FER: variants seen among roughly 807,000 people sequenced by gnomAD.
FER encodes the protein FER tyrosine kinase.
In FER, 63 loss-of-function variants were observed where a neutral mutation model predicts 111.0. The observed-to-expected ratio is 0.57, with a 90% CI of 0.46 to 0.70. The LOEUF is 0.70. Among genes scored for constraint, FER ranks in the 30% least tolerant of loss-of-function variants. The probability of loss-of-function intolerance (pLI) is 0.00; values close to 1 mark genes in which losing one functional copy is unlikely to be tolerated. For synonymous variants in FER, 327 were observed against 313.9 expected (o/e 1.04, Z -0.44); for missense variants, 914 against 954.0 (o/e 0.96, Z 0.55).
chr5:108,903,306 G>C (rs1007318515), intron 10 of FER, among the ~76,000 whole-genome samples: 1 of 152,158 alleles, frequency 6.6e-6, no homozygotes, highest in Non-Finnish European at 1.5e-5. Context: ...GCTTAATTGA[G>C]CAGCAGTATC....
chr5:109,019,697 T>C (rs1211256571), intron 13 of FER, among the ~76,000 whole-genome samples: 1 of 151,798 alleles, frequency 6.6e-6, no homozygotes, highest in Non-Finnish European at 1.5e-5. Context: ...TGTAATAACT[T>C]TATAAAGAGA....
At chr5:108,994,009 G>A (rs571899238) in intron 13 of FER, among the ~76,000 whole-genome samples, 1 of 151,898 alleles carries the variant, frequency 6.6e-6, no homozygotes, top group South Asian at 2.1e-4. Context: ...GTTCCTTGTA[G>A]GTTCTAGATA....
intron 10 of FER, among the ~76,000 whole-genome samples, chr5:108,916,178 C>T (rs1294957435): frequency 3.3e-5 from 5 of 151,938 alleles, no homozygotes; most frequent in Non-Finnish European, 5.9e-5. Flanking sequence ...ACCAATCTTA[C>T]CTAAAGGTGT....
chr5:108,918,566 A>G (rs1032897663), intron 10 of FER, among the ~76,000 whole-genome samples: 1 of 150,662 alleles, frequency 6.6e-6, no homozygotes, highest in Admixed American at 6.6e-5. Flanking sequence ...TGCTCACTGC[A>G]AGCTCCGCCT....
chr5:108,978,639 C>T (rs1581488816), intron 13 of FER, among the ~76,000 whole-genome samples: 1 of 152,106 alleles, frequency 6.6e-6, no homozygotes, highest in African/African-American at 2.4e-5. Flanking sequence ...TCATCTTTGT[C>T]TTCCTTGATC....
chr5:108,821,572 GCT>G (rs1352454228), intron 3 of FER, among the ~76,000 whole-genome samples: 2 of 151,884 alleles, frequency 1.3e-5, no homozygotes, highest in African/African-American at 4.8e-5. Context: ...GGTTCATTGA[GCT>G]TCTTTGATCT....
In FER at chr5:109,191,458, T is replaced by G. The variant is rs1272071810; in HGVS notation, c.*3883T>G. On this transcript the variant is annotated 3_prime_UTR_variant, in exon 20 of 20. Transcript: ENST00000281092. ...TTATCAACAAAATTGGCTGCCCTGG[T>G]TAGTGCTGAGTCATCGCAAGACTTG... The G allele has an allele frequency of 6.6e-6, 1 of 152,172 alleles. No homozygotes were observed. Among genetic ancestry groups the G allele is most frequent in the Non-Finnish European group, 1.5e-5 (1 of 68,012 alleles). The allele number at this position is 152,172 out of a possible 1,614,324, so 9.4% of individuals were successfully genotyped here. A position where few individuals can be genotyped will look rare whatever the true frequency, so the allele number is the denominator to read the frequency against.
chr5:109,124,365 T>C (rs1038894582), intron 17 of FER, among the ~76,000 whole-genome samples: 3 of 152,238 alleles, frequency 2.0e-5, no homozygotes, highest in African/African-American at 7.2e-5. Flanking sequence ...ATTAAGTGGC[T>C]TGTGCTTAGA....
intron 2 of FER, among the ~76,000 whole-genome samples, chr5:108,777,440 C>T (rs1039141406): frequency 6.6e-6 from 1 of 152,122 alleles, no homozygotes; most frequent in Non-Finnish European, 1.5e-5. Context: ...CATTATCCCC[C>T]AAAGACTGTA....
intron 1 of FER, among the ~76,000 whole-genome samples, chr5:108,754,376 C>T (rs191591678): frequency 1.5e-3 from 208 of 138,048 alleles, no homozygotes; most frequent in Non-Finnish European, 2.4e-3. Context: ...CACTGTGCTT[C>T]GGCCTGGGCA....
chr5:109,136,192 C>G (rs1208785724), intron 17 of FER, among the ~76,000 whole-genome samples: 1 of 151,894 alleles, frequency 6.6e-6, no homozygotes, highest in African/African-American at 2.4e-5. Context: ...ACTTGGGAGG[C>G]TGAGGTGGGA....
chr5:108,915,709 A>G (rs1752185345), intron 10 of FER, among the ~76,000 whole-genome samples: 1 of 152,000 alleles, frequency 6.6e-6, no homozygotes, highest in African/African-American at 2.4e-5. Flanking sequence ...ATTAAGAAAG[A>G]GGGAAAAGGA....
chr5:108,992,269 C>T (rs376689545), intron 13 of FER, among the ~76,000 whole-genome samples: 1 of 152,248 alleles, frequency 6.6e-6, no homozygotes, highest in Admixed American at 6.5e-5. Flanking sequence ...TCTCCCATGT[C>T]TACTTCTTCC....
intron 10 of FER, among the ~76,000 whole-genome samples, chr5:108,940,835 G>T (rs1315181943): frequency 6.6e-6 from 1 of 152,038 alleles, no homozygotes; most frequent in African/African-American, 2.4e-5. Flanking sequence ...TGGGCGTGGG[G>T]AGGAGTTCAG....
At chr5:108,793,474 A>G (rs1318138658) in intron 2 of FER, among the ~76,000 whole-genome samples, 1 of 142,726 alleles carries the variant, frequency 7.0e-6, no homozygotes, top group Non-Finnish European at 1.5e-5. Context: ...ATAGGAGTGC[A>G]GATATCTCTT....
intron 17 of FER, among the ~76,000 whole-genome samples, chr5:109,156,637 G>C (rs1755425156): frequency 6.6e-6 from 1 of 151,886 alleles, no homozygotes; most frequent in Non-Finnish European, 1.5e-5. Context: ...CCAAACCTGG[G>C]GGAACATCAA....
intron 10 of FER, among the ~76,000 whole-genome samples, chr5:108,941,045 C>T (rs1000480768): frequency 2.6e-5 from 4 of 152,050 alleles, no homozygotes; most frequent in African/African-American, 4.8e-5. Context: ...AGAGACTTCT[C>T]TCTCCCACCC....
At chr5:109,109,419 C>T (rs1056226377) in intron 17 of FER, among the ~76,000 whole-genome samples, 5 of 152,094 alleles carry the variant, frequency 3.3e-5, no homozygotes, top group African/African-American at 1.2e-4. Context: ...TCCATGAGGA[C>T]ATTGACTTTA....
intron 3 of FER, among the ~76,000 whole-genome samples, chr5:108,826,841 T>TA (rs1759524539): frequency 6.6e-6 from 1 of 152,246 alleles, no homozygotes; most frequent in Non-Finnish European, 1.5e-5. Context: ...TATTTGTTTT[T>TA]ATTCCATAGC....
Sources: gnomAD v4.1 joint callset for allele counts (sites outside exome capture counted in the v4.1 genomes callset) on GRCh38, gnomAD v4.1.1 for gene constraint, MANE v1.5 for transcripts, NCBI Gene and HGNC (gene_info 2026-07-23, HGNC 2026-07-21) for gene names.